The following CORO2B variants were observed in gnomAD, a reference collection of about 807,000 sequenced individuals.
The protein encoded by CORO2B is coronin 2B.
Under a neutral mutation model 58.8 loss-of-function variants are expected in CORO2B, and 26 were observed. The ratio of observed to expected loss-of-function variants is 0.44; its 90% CI spans 0.32 to 0.61. CORO2B has a LOEUF of 0.61. Ranked by LOEUF, CORO2B falls within the 20% of genes least tolerant of loss-of-function variation. The probability of loss-of-function intolerance (pLI) is 0.04; values close to 1 mark genes in which losing one functional copy is unlikely to be tolerated. For missense variants in CORO2B, 460 were observed against 645.1 expected (o/e 0.71, Z 3.11); for synonymous variants, 242 against 253.8 (o/e 0.95, Z 0.44).
intron 2 of CORO2B, among the ~76,000 whole-genome samples, chr15:68,654,028 T>A (rs1372812652): frequency 6.6e-6 from 1 of 152,206 alleles, no homozygotes; most frequent in East Asian, 1.9e-4. Flanking sequence ...TCAAAGCCCA[T>A]GACAGCCTGA....
In CORO2B at chr15:68,726,727, G is replaced by T. The variant is rs1444807766; in HGVS notation, c.*753G>T. The T allele has an allele frequency of 6.6e-6, 1 of 152,328 alleles. No individual in the cohort carries two copies. Among genetic ancestry groups the T allele is most frequent in the Admixed American group, 6.5e-5 (1 of 15,278 alleles). 9.4% of individuals were successfully genotyped at this position (152,328 alleles called of 1,614,324 possible). A position where few individuals can be genotyped will look rare whatever the true frequency, so the allele number is the denominator to read the frequency against. ...GAACTGAGGGTTGCAATGGGGAAATGACTTATAAAGTCACCCAGCAGGTCA... is the reference window on the plus strand; with the variant it reads ...GAACTGAGGGTTGCAATGGGGAAATTACTTATAAAGTCACCCAGCAGGTCA... On this transcript the variant is annotated 3_prime_UTR_variant, in exon 12 of 12. Coordinates refer to ENST00000261861, the MANE Select transcript of CORO2B (RefSeq NM_006091.5).
chr15:68,569,702 A>G, the CORO2B span, among the ~76,000 whole-genome samples: 1 of 152,218 alleles, frequency 6.6e-6, no homozygotes, highest in Non-Finnish European at 1.5e-5. Context: ...TTCGTTTTGT[A>G]AGAAATTGCC....
At chr15:68,525,368 A>G in the CORO2B span, among the ~76,000 whole-genome samples, 2 of 152,224 alleles carry the variant, frequency 1.3e-5, no homozygotes, top group African/African-American at 4.8e-5. Context: ...GTCAGGAAGG[A>G]CTACAGATGT....
At chr15:68,518,772 G>A in the CORO2B span, among the ~76,000 whole-genome samples, 1 of 152,060 alleles carries the variant, frequency 6.6e-6, no homozygotes. Flanking sequence ...GGGGTGGGGG[G>A]CTGCTGAAGG....
At chr15:68,701,181 C>T (rs1892633991) in intron 3 of CORO2B, among the ~76,000 whole-genome samples, 1 of 152,250 alleles carries the variant, frequency 6.6e-6, no homozygotes, top group Non-Finnish European at 1.5e-5. Flanking sequence ...AATGATTTAG[C>T]AGCCACAGAG....
the CORO2B span, among the ~76,000 whole-genome samples, chr15:68,526,015 G>A: frequency 4.0e-3 from 609 of 152,270 alleles, 6 homozygotes; most frequent in African/African-American, 0.013. Flanking sequence ...AATGAATGAA[G>A]TCATAAGTAT....
intron 2 of CORO2B, among the ~76,000 whole-genome samples, chr15:68,671,012 A>AGTATT (rs1189858204): frequency 6.6e-6 from 1 of 152,248 alleles, no homozygotes; most frequent in East Asian, 1.9e-4. Flanking sequence ...TGTTTGCCTC[A>AGTATT]GCCTTTTTAG....
At chr15:68,520,318 T>C in the CORO2B span, among the ~76,000 whole-genome samples, 1 of 152,234 alleles carries the variant, frequency 6.6e-6, no homozygotes, top group Non-Finnish European at 1.5e-5. Flanking sequence ...TCTATATCCT[T>C]ACAGATTTTT....
chr15:68,641,215 C>G (rs189510831), intron 1 of CORO2B, among the ~76,000 whole-genome samples: 1 of 152,196 alleles, frequency 6.6e-6, no homozygotes, highest in Non-Finnish European at 1.5e-5. Context: ...GGCCCATCCC[C>G]GGGGAACACG....
the CORO2B span, among the ~76,000 whole-genome samples, chr15:68,562,059 C>G: frequency 6.6e-6 from 1 of 152,136 alleles, no homozygotes; most frequent in South Asian, 2.1e-4. Context: ...GTACTGGGGC[C>G]CAGGGACTGA....
At chr15:68,616,468 C>G in intron 1 of CORO2B, 1 of 893,422 alleles carries the variant, frequency 1.1e-6, no homozygotes, top group Non-Finnish European at 1.3e-6. Context: ...ACCAAGGTCT[C>G]TTGCTGCCCG....
At chr15:68,545,612 C>CGGGGG in the CORO2B span, among the ~76,000 whole-genome samples, 645 of 53,196 alleles carry the variant, frequency 0.012, 5 homozygotes, top group Non-Finnish European at 0.017. Flanking sequence ...ATGCGGGGGG[C>CGGGGG]GGGGGGGGTA....
chr15:68,558,337 G>A, the CORO2B span, among the ~76,000 whole-genome samples: 1 of 152,052 alleles, frequency 6.6e-6, no homozygotes, highest in African/African-American at 2.4e-5. Context: ...GGGAAGGTGG[G>A]GTTGGAGAGG....
intron 1 of CORO2B, among the ~76,000 whole-genome samples, chr15:68,644,618 G>A (rs543423371): frequency 1.3e-5 from 2 of 152,250 alleles, no homozygotes; most frequent in South Asian, 2.1e-4. Flanking sequence ...TTCTGAGGGT[G>A]TACCTGTGGA....
the CORO2B span, among the ~76,000 whole-genome samples, chr15:68,557,118 T>C: frequency 6.6e-6 from 1 of 152,254 alleles, no homozygotes; most frequent in South Asian, 2.1e-4. Context: ...TGAAGCCTAC[T>C]TGCCTCTGCC....
chr15:68,661,501 C>G (rs994572565), intron 2 of CORO2B, among the ~76,000 whole-genome samples: 3 of 152,168 alleles, frequency 2.0e-5, no homozygotes, highest in Non-Finnish European at 2.9e-5. Flanking sequence ...CAAAGACTAC[C>G]AGCTGGTGTT....
chr15:68,602,891 C>T (rs571693790), intron 1 of CORO2B, among the ~76,000 whole-genome samples: 128 of 152,302 alleles, frequency 8.4e-4, no homozygotes, highest in African/African-American at 2.8e-3. Context: ...TGCAAGCACA[C>T]GTGTTTCCCT....
rs137986627 is a variant in CORO2B at position 68,662,333 on chromosome 15, A to C, written c.216+16973A>C. On this transcript the variant is annotated intron_variant, in intron 2 of 11. Transcript: ENST00000261861. ...TTATAGTAATCCTGCACCCACATAA[A>C]AGCTGTATTTTCACAATGAGATAAG... Among the ~76,000 whole-genome samples, 1,343 of 152,334 alleles carry C rather than the reference A, an allele frequency of 8.8e-3. 16 individuals carry two copies. Among genetic ancestry groups the C allele is most frequent in the African/African-American group, 0.031 (1,290 of 41,578 alleles).
At chr15:68,550,508 C>G in the CORO2B span, among the ~76,000 whole-genome samples, 2 of 152,154 alleles carry the variant, frequency 1.3e-5, no homozygotes, top group African/African-American at 4.8e-5. Flanking sequence ...TAAAATTGAA[C>G]CACGATAGCA....
Sources: gnomAD v4.1 joint callset for allele counts (sites outside exome capture counted in the v4.1 genomes callset) on GRCh38, gnomAD v4.1.1 for gene constraint, MANE v1.5 for transcripts, NCBI Gene and HGNC (gene_info 2026-07-23, HGNC 2026-07-21) for gene names.